SEZ6L: variants seen among roughly 807,000 people sequenced by gnomAD.
SEZ6L encodes the protein seizure 6-like protein.
In SEZ6L, 37 loss-of-function variants were observed where a neutral mutation model predicts 106.2. The ratio of observed to expected loss-of-function variants is 0.35; its 90% CI spans 0.27 to 0.46. The LOEUF (loss-of-function observed/expected upper bound fraction) is 0.46. SEZ6L is among the 20% of genes least tolerant of loss of function. The pLI is 1.00. For missense variants in SEZ6L, 1,172 were observed against 1,332.8 expected (o/e 0.88, Z 1.88); for synonymous variants, 541 against 570.4 (o/e 0.95, Z 0.73).
intron 1 of SEZ6L, among the ~76,000 whole-genome samples, chr22:26,263,635 C>T (rs1207399): frequency 0.21 from 32,499 of 152,180 alleles, 4,057 homozygotes; most frequent in South Asian, 0.32. Flanking sequence ...CAATTCCCAA[C>T]GATCATCTGA....
At chr22:26,213,349 C>T (rs369123129) in intron 1 of SEZ6L, among the ~76,000 whole-genome samples, 4 of 152,316 alleles carry the variant, frequency 2.6e-5, no homozygotes, top group Admixed American at 1.3e-4. Context: ...TGGACATGAA[C>T]CCTTACCATG....
In SEZ6L at chr22:26,299,102, C is replaced by A. The variant is rs781024350; in HGVS notation, c.1281C>A (p.Gly427=). The change falls in exon 5 of 17, where the codon GGC becomes GGA. Residue 427 remains glycine (G), a synonymous_variant. Transcript: ENST00000248933. ...GCCACCTGGGCTATGAGCTCCAGGG[C>A]GCTAAGATGCTGACATGCATCAATG... ...FHCHLGYELQ[G]AKMLTCINAS... is the part of the protein sequence containing the mutation. 1.2e-6 allele frequency: 2 copies of A among 1,605,696 alleles called. No individual in the cohort carries two copies. Among genetic ancestry groups the A allele is most frequent in the South Asian group, 1.1e-5 (1 of 89,440 alleles).
chr22:26,306,084 C>T lies in SEZ6L; in HGVS notation c.1454C>T (p.Ala485Val), dbSNP rs760520309. Residue 485 changes from alanine to valine, a missense_variant, in exon 6 of 17, where the codon GCT becomes GTT. Physicochemically the swap from Ala to Val is moderately conservative, Grantham distance 64 (BLOSUM62 0). Around this residue, in one of 4 missense-constraint regions of SEZ6L, gnomAD observed 534 missense variants for 691.0 expected, o/e 0.77. Transcript: ENST00000248933. Reference sequence around the variant, plus strand: ...CAATTCTGCATCTGGACGATTGAAGCTCCAGAGGGCCAGAAGCTGCACCTG... The same window carrying T: ...CAATTCTGCATCTGGACGATTGAAGTTCCAGAGGGCCAGAAGCTGCACCTG... ...GSQFCIWTIEAPEGQKLHLHF... is the reference protein window; with the variant it reads ...GSQFCIWTIEVPEGQKLHLHF... 6.2e-7 allele frequency: 1 copy of T among 1,614,152 alleles called. No homozygotes were observed. The highest frequency in any genetic ancestry group is 1.3e-5 in the African/African-American group (1 of 75,040).
At chr22:26,278,693 G>T (rs1408866819) in intron 1 of SEZ6L, among the ~76,000 whole-genome samples, 3 of 151,820 alleles carry the variant, frequency 2.0e-5, no homozygotes, top group Non-Finnish European at 4.4e-5. Flanking sequence ...AGGTTCTTTG[G>T]TGTATTGTAA....
chr22:26,226,558 G>GT (rs945932725), intron 1 of SEZ6L, among the ~76,000 whole-genome samples: 3 of 152,172 alleles, frequency 2.0e-5, no homozygotes, highest in Non-Finnish European at 4.4e-5. Context: ...ACCTTTGTGG[G>GT]TTTTTTGTGT....
At chr22:26,177,187 T>G (rs559798573) in intron 1 of SEZ6L, among the ~76,000 whole-genome samples, 1 of 152,314 alleles carries the variant, frequency 6.6e-6, no homozygotes, top group Non-Finnish European at 1.5e-5. Flanking sequence ...GTATAAACCT[T>G]GATTTTTTAT....
chr22:26,178,721 A>G (rs1393786172), intron 1 of SEZ6L, among the ~76,000 whole-genome samples: 2 of 152,182 alleles, frequency 1.3e-5, no homozygotes, highest in East Asian at 1.9e-4. Context: ...ACCATAATAA[A>G]AAAGACACAG....
intron 1 of SEZ6L, among the ~76,000 whole-genome samples, chr22:26,240,883 C>A (rs2145769079): frequency 6.6e-6 from 1 of 152,236 alleles, no homozygotes; most frequent in South Asian, 2.1e-4. Context: ...AGAGAGCAGG[C>A]AAGAGGGCAT....
chr22:26,318,587 T>C (rs954973583), intron 9 of SEZ6L, among the ~76,000 whole-genome samples: 8 of 152,222 alleles, frequency 5.3e-5, no homozygotes, highest in African/African-American at 1.9e-4. Context: ...TTTTACTTCA[T>C]ATAAGTTAAA....
rs1259091048 is a variant in SEZ6L, at chr22:26,380,652, G to T, written c.*357G>T. 1.4e-5 allele frequency: 3 copies of T among 217,010 alleles called. No homozygotes were observed. The highest frequency in any genetic ancestry group is 2.8e-5 in the Non-Finnish European group (3 of 108,256). The allele number at this position is 217,010 out of a possible 1,614,324, so 13.4% of individuals were successfully genotyped here. A position where few individuals can be genotyped will look rare whatever the true frequency, so the allele number is the denominator to read the frequency against. The stretch of plus-strand genomic sequence containing the variant: ...TGCATTGAATTGCATGCATCTTTGG[G>T]AACCATGCCCATGATGTTTTCAGTA... On this transcript the variant is annotated 3_prime_UTR_variant, in exon 17 of 17. Coordinates refer to ENST00000248933, the MANE Select transcript of SEZ6L (RefSeq NM_021115.5).
At chr22:26,178,325 G>A (rs998505162) in intron 1 of SEZ6L, among the ~76,000 whole-genome samples, 1 of 152,174 alleles carries the variant, frequency 6.6e-6, no homozygotes, top group African/African-American at 2.4e-5. Flanking sequence ...TAAATGAAGA[G>A]GCTCAAGGAG....
At chr22:26,247,554 C>T (rs961599781) in intron 1 of SEZ6L, among the ~76,000 whole-genome samples, 1 of 152,098 alleles carries the variant, frequency 6.6e-6, no homozygotes, top group African/African-American at 2.4e-5. Context: ...GATGCAACTG[C>T]AAGCCGAGGA....
At chr22:26,265,586 A>G (rs1176933017) in intron 1 of SEZ6L, among the ~76,000 whole-genome samples, 1 of 152,172 alleles carries the variant, frequency 6.6e-6, no homozygotes, top group East Asian at 1.9e-4. Flanking sequence ...CACCTCAGAG[A>G]GCTGCAAACC....
chr22:26,310,792 C>G lies in SEZ6L; in HGVS notation c.1637C>G (p.Ser546Cys). 2 of 1,614,146 alleles carry G rather than the reference C, an allele frequency of 1.2e-6. No individual in the cohort carries two copies. The highest frequency in any genetic ancestry group is 1.7e-6 in the Non-Finnish European group (2 of 1,180,038). Reference sequence around the variant, plus strand: ...AACACCATCCGCATCGAGTTCACGTCCGACCAGGCCCGGGCGGCCTCCACC... The same window carrying G: ...AACACCATCCGCATCGAGTTCACGTGCGACCAGGCCCGGGCGGCCTCCACC... ...EGNTIRIEFT[S>C]DQARAASTFN... Residue 546 changes from serine (S) to cysteine (C), a missense_variant, in exon 7 of 17, where the codon TCC becomes TGC. Ser to Cys is a moderately radical substitution (Grantham distance 112). Around this residue, in one of 4 missense-constraint regions of SEZ6L, gnomAD observed 534 missense variants for 691.0 expected, o/e 0.77. Transcript: ENST00000248933.
At chr22:26,169,839 C>T (rs1938452436) in intron 1 of SEZ6L, 76 bp downstream of exon 1, 3 of 702,542 alleles carry the variant, frequency 4.3e-6, no homozygotes, top group Non-Finnish European at 6.0e-6. Flanking sequence ...TCGGGGCTGA[C>T]CAGGGCGACT....
At chr22:26,304,626 T>C (rs7290778) in intron 5 of SEZ6L, among the ~76,000 whole-genome samples, 25,185 of 152,126 alleles carry the variant, frequency 0.17, 2,167 homozygotes, top group Middle Eastern at 0.21. Flanking sequence ...AAGTAATAGA[T>C]GATTCTGGTA....
chr22:26,182,697 G>A (rs1569359058), intron 1 of SEZ6L, among the ~76,000 whole-genome samples: 2 of 151,912 alleles, frequency 1.3e-5, no homozygotes, highest in Admixed American at 1.3e-4. Context: ...GGAATTCAAC[G>A]AGGAGCATTG....
intron 1 of SEZ6L, among the ~76,000 whole-genome samples, chr22:26,208,150 C>T (rs1041932566): frequency 3.9e-5 from 6 of 151,908 alleles, no homozygotes; most frequent in Non-Finnish European, 7.4e-5. Flanking sequence ...CTCCTGACCT[C>T]GTGATCCGCC....
chr22:26,219,175 C>G (rs761355893), intron 1 of SEZ6L, among the ~76,000 whole-genome samples: 1 of 151,460 alleles, frequency 6.6e-6, no homozygotes, highest in Admixed American at 6.6e-5. Flanking sequence ...ACCTTACTCA[C>G]AGGGCGGCTG....
Sources: allele counts gnomAD v4.1 joint callset (sites outside exome capture counted in the v4.1 genomes callset), GRCh38; gene constraint gnomAD v4.1.1; regional missense constraint gnomAD v4.1.1; transcripts MANE v1.5; gene names NCBI Gene and HGNC (gene_info 2026-07-23, HGNC 2026-07-21).